The following NRXN3 variants were observed in gnomAD, a reference collection of about 807,000 sequenced individuals.
NRXN3 encodes the protein neurexin 3.
NRXN3 carries 32 observed loss-of-function variants against 137.6 expected under a neutral mutation model. That is an observed-to-expected ratio of 0.23 (90% confidence interval 0.18 to 0.31). The LOEUF is 0.31. Among genes scored for constraint, NRXN3 ranks in the 10% least tolerant of loss-of-function variants. The pLI is 1.00. For synonymous variants in NRXN3, 798 were observed against 784.5 expected, an observed-to-expected ratio of 1.02 and a Z score of -0.29; for missense variants, 1,574 against 2,062.5, an observed-to-expected ratio of 0.76 and a Z score of 4.59.
chr14:79,513,390 C>T (rs1185352610), intron 16 of NRXN3, among the ~76,000 whole-genome samples: 1 of 152,178 alleles, frequency 6.6e-6, no homozygotes, highest in Non-Finnish European at 1.5e-5. Context: ...AAGGACATTT[C>T]ACCACCCACT....
Position 79,267,878 on chromosome 14 carries a change from A to G in NRXN3, c.3263-199343A>G, listed in dbSNP as rs561634248. ...CTGATGATATGGAATGTTATTGCTG[A>G]TTCTTCAGTATGTGGACTTCTTGCA... On this transcript the variant is annotated intron_variant, in intron 15 of 20. Coordinates refer to ENST00000335750, the MANE Select transcript of NRXN3 (RefSeq NM_001330195.2). Among the ~76,000 whole-genome samples the G allele has an allele frequency of 1.1e-4, 16 of 152,308 alleles. No individual in the cohort carries two copies. In the East Asian group the frequency reaches 2.9e-3, roughly 28 times the overall value.
At chr14:78,335,673 T>C (rs536816280) in intron 4 of NRXN3, among the ~76,000 whole-genome samples, 39 of 152,328 alleles carry the variant, frequency 2.6e-4, no homozygotes, top group African/African-American at 8.4e-4. Context: ...TCCTCCCACC[T>C]GCCTTTAGTT....
intron 8 of NRXN3, among the ~76,000 whole-genome samples, chr14:78,799,436 G>T (rs1414465403): frequency 6.6e-6 from 1 of 152,138 alleles, no homozygotes; most frequent in East Asian, 1.9e-4. Flanking sequence ...TTCATTGTCA[G>T]CATTTTGGTG....
chr14:79,001,874 A>C (rs1452405754), intron 15 of NRXN3, among the ~76,000 whole-genome samples: 2 of 152,232 alleles, frequency 1.3e-5, no homozygotes, highest in African/African-American at 4.8e-5. Context: ...AATGGGGGCA[A>C]AGCAGAGTAT....
chr14:79,390,981 C>CA (rs2094826061), intron 15 of NRXN3, among the ~76,000 whole-genome samples: 1 of 152,082 alleles, frequency 6.6e-6, no homozygotes, highest in Non-Finnish European at 1.5e-5. Context: ...TGCCTTTGGT[C>CA]ATGGGATGAG....
chr14:78,616,290 C>A (rs2097346740), intron 4 of NRXN3, among the ~76,000 whole-genome samples: 1 of 152,214 alleles, frequency 6.6e-6, no homozygotes, highest in Non-Finnish European at 1.5e-5. Flanking sequence ...TCTTACACTG[C>A]TCTCTTGTTA....
rs2093538531 is a variant in NRXN3, at chr14:79,358,607, G to GAGAGAGAAAGAA, written c.3263-108611_3263-108610insGAGAAAGAAAGA. On this transcript the variant is annotated intron_variant, in intron 15 of 20. Transcript: ENST00000335750. The stretch of plus-strand genomic sequence containing the variant: ...AGAGAGAAAGAAAGAAAGAAAGAAA[G>GAGAGAGAAAGAA]AGAAAGAAAGAAAGAAAGAAAGAAA... 6.3e-5 allele frequency among the ~76,000 whole-genome samples: 5 copies of GAGAGAGAAAGAA among 79,946 alleles called. 1 individual carries two copies. The highest frequency in any genetic ancestry group is 1.3e-4 in the African/African-American group (3 of 23,968). The allele number at this position is 79,946 out of a possible 152,430, so 52.4% of individuals were successfully genotyped here.
chr14:78,225,925 T>G (rs2064494957), intron 1 of NRXN3, among the ~76,000 whole-genome samples: 1 of 145,700 alleles, frequency 6.9e-6, no homozygotes, highest in Non-Finnish European at 1.5e-5. Flanking sequence ...ACTTACAGGG[T>G]GCCTAGCAAG....
intron 8 of NRXN3, among the ~76,000 whole-genome samples, chr14:78,741,258 C>T (rs774703813): frequency 2.0e-5 from 3 of 152,208 alleles, no homozygotes; most frequent in Non-Finnish European, 4.4e-5. Flanking sequence ...CATTCCTCCT[C>T]TTCCCTCCCT....
intron 15 of NRXN3, among the ~76,000 whole-genome samples, chr14:79,379,902 G>A (rs2094415995): frequency 6.6e-6 from 1 of 151,432 alleles, no homozygotes; most frequent in Non-Finnish European, 1.5e-5. Context: ...TTCTGAACCA[G>A]TAGTAACACA....
intron 19 of NRXN3, among the ~76,000 whole-genome samples, chr14:79,703,892 A>C (rs562502663): frequency 6.6e-6 from 1 of 152,246 alleles, no homozygotes; most frequent in African/African-American, 2.4e-5. Context: ...TCACATAAGG[A>C]AACCACTTCA....
At chr14:79,859,935 A>T (rs1180832602) in intron 20 of NRXN3, among the ~76,000 whole-genome samples, 2 of 152,146 alleles carry the variant, frequency 1.3e-5, no homozygotes, top group Non-Finnish European at 2.9e-5. Flanking sequence ...ACTTCTTAAG[A>T]TTCTTCCTTT....
At chr14:79,127,142 C>G (rs12147307) in intron 15 of NRXN3, among the ~76,000 whole-genome samples, 82,119 of 151,522 alleles carry the variant, frequency 0.54, 23,494 homozygotes, top group East Asian at 0.77. Context: ...TCACTCTGAT[C>G]GTAGTTTCTT....
chr14:79,021,128 A>G (rs905603297), intron 15 of NRXN3, among the ~76,000 whole-genome samples: 6 of 151,816 alleles, frequency 4.0e-5, no homozygotes, highest in African/African-American at 1.2e-4. Context: ...ACTATGTTGG[A>G]CACTTGATAC....
chr14:78,307,879 T>G (rs2077527947), intron 4 of NRXN3, among the ~76,000 whole-genome samples: 1 of 152,172 alleles, frequency 6.6e-6, no homozygotes, highest in Non-Finnish European at 1.5e-5. Flanking sequence ...TTTAATAAGC[T>G]ACTAACTGCT....
rs560939142 is a variant in NRXN3 at position 79,041,077 on chromosome 14, T to C, written c.3262+52936T>C. Among the ~76,000 whole-genome samples the C allele has an allele frequency of 1.3e-3, 203 of 152,282 alleles. 1 individual carries two copies. The highest frequency in any genetic ancestry group is 4.8e-3 in the African/African-American group (199 of 41,556). ...CTTCCTTTCTCCTCTCTCATAATGA[T>C]GTAACAGTAAAAATACCTGAGTTCA... On this transcript the variant is annotated intron_variant, in intron 15 of 20. Coordinates refer to ENST00000335750, the MANE Select transcript of NRXN3 (RefSeq NM_001330195.2).
chr14:78,392,750 T>A (rs1370607382), intron 4 of NRXN3, among the ~76,000 whole-genome samples: 1 of 152,136 alleles, frequency 6.6e-6, no homozygotes, highest in Non-Finnish European at 1.5e-5. Context: ...AGTCTACTCA[T>A]TTTACAAATG....
intron 16 of NRXN3, among the ~76,000 whole-genome samples, chr14:79,623,272 T>C (rs2098244469): frequency 2.0e-5 from 3 of 152,230 alleles, no homozygotes; most frequent in Non-Finnish European, 1.5e-5. Context: ...TTTACCCTCC[T>C]TGGCCACACT....
intron 6 of NRXN3, among the ~76,000 whole-genome samples, chr14:78,687,008 A>G (rs545698963): frequency 1.6e-4 from 24 of 152,178 alleles, no homozygotes; most frequent in Non-Finnish European, 3.1e-4. Context: ...AGGAGAGGAA[A>G]TAAAGCACAA....
Sources: allele counts gnomAD v4.1 joint callset (sites outside exome capture counted in the v4.1 genomes callset), GRCh38; gene constraint gnomAD v4.1.1; transcripts MANE v1.5; gene names NCBI Gene and HGNC (gene_info 2026-07-23, HGNC 2026-07-21).